CCDC174: variants seen among roughly 807,000 people sequenced by gnomAD.
The protein encoded by CCDC174 is coiled-coil domain-containing protein 174.
In CCDC174, 37 loss-of-function variants were observed where a neutral mutation model predicts 57.1. That is an observed-to-expected ratio of 0.65 (90% CI 0.50 to 0.85). The LOEUF is 0.85. CCDC174 is among the 40% of genes least tolerant of loss of function. The pLI is 0.00. For synonymous variants in CCDC174, 182 were observed against 190.2 expected, an observed-to-expected ratio of 0.96 and a Z score of 0.35; for missense variants, 540 against 574.3, an observed-to-expected ratio of 0.94 and a Z score of 0.61.
chr3:14,656,740 A>T (rs529314908), intron 3 of CCDC174, among the ~76,000 whole-genome samples: 1 of 152,358 alleles, frequency 6.6e-6, no homozygotes, highest in African/African-American at 2.4e-5. Context: ...GTTATCAGTT[A>T]TCACATTGCT....
rs781477204 is a variant in CCDC174, at chr3:14,654,443, T to C, written c.60T>C (p.Ala20=). Residue 20 remains alanine, a synonymous_variant, in exon 2 of 11, where the codon GCT becomes GCC. Transcript: ENST00000383794. ...VTASSLVDLK[A]ELFRKQEEFK... The stretch of plus-strand genomic sequence containing the variant: ...CATTCTAGTTGGTAGATCTTAAGGC[T>C]GAACTCTTCCGAAAGCAAGAAGAAT... 5.6e-6 allele frequency: 9 copies of C among 1,602,642 alleles called. No individual in the cohort carries two copies. The highest frequency in any genetic ancestry group is 7.7e-6 in the Non-Finnish European group (9 of 1,173,438).
chr3:14,664,194 T>G lies in CCDC174; in HGVS notation c.486-834T>G, dbSNP rs896579445. Among the ~76,000 whole-genome samples, 10 of 152,196 alleles carry G rather than the reference T, an allele frequency of 6.6e-5. No individual in the cohort carries two copies. In the South Asian group the frequency reaches 1.0e-3, roughly 16 times the overall value. Reference sequence around the variant, plus strand: ...CAGCATTGCTTGAGAGGAAAAAAAATTGCTAACAAAAGCAAAGCCACATAC... The same window carrying G: ...CAGCATTGCTTGAGAGGAAAAAAAAGTGCTAACAAAAGCAAAGCCACATAC... On this transcript the variant is annotated intron_variant, in intron 5 of 10. Coordinates refer to ENST00000383794, the MANE Select transcript of CCDC174 (RefSeq NM_016474.5).
At chr3:14,660,633 C>T (rs1349882803) in intron 4 of CCDC174, among the ~76,000 whole-genome samples, 1 of 152,228 alleles carries the variant, frequency 6.6e-6, no homozygotes, top group Non-Finnish European at 1.5e-5. Context: ...TCAAAGCCAG[C>T]AAGCCTACCT....
intron 2 of CCDC174, 65 bp from the exon 3 acceptor site, chr3:14,655,446 TTGTTTTTTTTTTTCCTGA>T: frequency 2.4e-6 from 2 of 818,550 alleles, no homozygotes. Context: ...ATGATCTCCT[TTGTTTTTTTTTTTCCTGA>T]TGCACAAGTA....
Position 14,661,684 on chromosome 3 carries a change from T to A in CCDC174, c.462T>A (p.Pro154=), listed in dbSNP as rs1229405755. The change falls in exon 5 of 11, where the codon CCT becomes CCA. Residue 154 remains proline (P), a synonymous_variant. Coordinates refer to ENST00000383794, the MANE Select transcript of CCDC174 (RefSeq NM_016474.5). ...ACCTTCCTGAGGGAGAGATCCCTCC[T>A]CCCCAAGACCCCAGTGAAGAATGGT... ...EENLPEGEIP[P]PQDPSEEWVD... 1.2e-6 allele frequency: 2 copies of A among 1,613,520 alleles called. No individual in the cohort carries two copies. The highest frequency in any genetic ancestry group is 4.5e-5 in the East Asian group (2 of 44,874).
intron 5 of CCDC174, among the ~76,000 whole-genome samples, chr3:14,664,505 C>T (rs905196352): frequency 2.6e-5 from 4 of 152,166 alleles, no homozygotes; most frequent in African/African-American, 7.2e-5. Flanking sequence ...GTTTGGCTTC[C>T]TCCTAATTAA....
rs765643088 is a variant in CCDC174, at chr3:14,671,347, T to C, written c.*153T>C. The C allele has an allele frequency of 1.3e-6, 1 of 769,374 alleles. No homozygotes were observed. Among genetic ancestry groups the C allele is most frequent in the Non-Finnish European group, 2.0e-6 (1 of 492,126 alleles). 47.7% of individuals were successfully genotyped at this position (769,374 alleles called of 1,614,324 possible). Reference sequence around the variant, plus strand: ...TGGATTTGTCAGCAAGGAGGAAAGTTATGGAAACTTTGGCCACTTGGCTGT... The same window carrying C: ...TGGATTTGTCAGCAAGGAGGAAAGTCATGGAAACTTTGGCCACTTGGCTGT... On this transcript the variant is annotated 3_prime_UTR_variant, in exon 11 of 11. Coordinates refer to ENST00000383794, the MANE Select transcript of CCDC174 (RefSeq NM_016474.5).
At chr3:14,655,859 T>TTA (rs773927480) in intron 3 of CCDC174, among the ~76,000 whole-genome samples, 8 of 152,216 alleles carry the variant, frequency 5.3e-5, no homozygotes, top group Non-Finnish European at 1.2e-4. Flanking sequence ...TGTCAGCCTT[T>TTA]GTTAGACACT....
At chr3:14,652,434 C>T (rs1020110341) in intron 1 of CCDC174, among the ~76,000 whole-genome samples, 4 of 152,214 alleles carry the variant, frequency 2.6e-5, no homozygotes, top group Non-Finnish European at 5.9e-5. Flanking sequence ...ACATCAGCTA[C>T]TCTAGAAAGA....
intron 3 of CCDC174, 106 bp downstream of exon 3, chr3:14,655,735 A>T: frequency 1.6e-6 from 1 of 631,768 alleles, no homozygotes; most frequent in Non-Finnish European, 2.7e-6. Flanking sequence ...TATTTTTAAC[A>T]TCCTTCTAGC....
At chr3:14,670,863 A>C in intron 10 of CCDC174, 33 bp from the exon 11 acceptor site, 1 of 1,499,292 alleles carries the variant, frequency 6.7e-7, no homozygotes, top group Non-Finnish European at 9.1e-7. Flanking sequence ...TTCGTTAATC[A>C]GTTCTAATAA....
chr3:14,664,224 C>G (rs1291883202), intron 5 of CCDC174, among the ~76,000 whole-genome samples: 1 of 152,200 alleles, frequency 6.6e-6, no homozygotes, highest in Non-Finnish European at 1.5e-5. Context: ...ACATACCTGC[C>G]AAATCTGACC....
At position 14,671,205 on chromosome 3, in the gene CCDC174, C is replaced by A; in HGVS notation, c.*11C>A. The stretch of plus-strand genomic sequence containing the variant: ...AAACAAGTGACATGATCTTTCAAAG[C>A]ACGCTGACTTGGGTTTGTACTTTGA... On this transcript the variant is annotated 3_prime_UTR_variant, in exon 11 of 11. Transcript: ENST00000383794. The A allele has an allele frequency of 6.3e-7, 1 of 1,598,396 alleles. No individual in the cohort carries two copies. Among genetic ancestry groups the A allele is most frequent in the Non-Finnish European group, 8.5e-7 (1 of 1,170,016 alleles).
At chr3:14,663,155 G>A (rs910292720) in intron 5 of CCDC174, among the ~76,000 whole-genome samples, 2 of 152,188 alleles carry the variant, frequency 1.3e-5, no homozygotes, top group African/African-American at 2.4e-5. Context: ...CTGGGCTGAA[G>A]CAATCCTCCT....
At chr3:14,660,721 GAA>G (rs1209104034) in intron 4 of CCDC174, among the ~76,000 whole-genome samples, 1 of 152,138 alleles carries the variant, frequency 6.6e-6, no homozygotes, top group Admixed American at 6.5e-5. Context: ...CTAAGGTGGG[GAA>G]AACACCACCC....
Position 14,666,916 on chromosome 3 carries a change from G to T in CCDC174, c.693G>T (p.Gly231=), listed in dbSNP as rs368146701. ...EEREALKRPM[G]PVHYEDIREN... Reference sequence around the variant, plus strand: ...GAGAGGCCCTGAAGAGGCCCATGGGGCCCGTACATTATGAAGACATTCGGG... The same window carrying T: ...GAGAGGCCCTGAAGAGGCCCATGGGTCCCGTACATTATGAAGACATTCGGG... Residue 231 remains glycine, a synonymous_variant, in exon 7 of 11, where the codon GGG becomes GGT. Coordinates refer to ENST00000383794, the MANE Select transcript of CCDC174 (RefSeq NM_016474.5). The T allele has an allele frequency of 6.3e-7, 1 of 1,590,132 alleles. No homozygotes were observed. The highest frequency in any genetic ancestry group is 8.5e-7 in the Non-Finnish European group (1 of 1,173,680).
intron 6 of CCDC174, among the ~76,000 whole-genome samples, chr3:14,666,001 G>A (rs1444469676): frequency 7.4e-6 from 1 of 135,082 alleles, no homozygotes; most frequent in East Asian, 2.2e-4. Flanking sequence ...TGACGCCACT[G>A]CACTCCAGTC....
At chr3:14,663,379 C>T (rs1186366002) in intron 5 of CCDC174, among the ~76,000 whole-genome samples, 3 of 152,190 alleles carry the variant, frequency 2.0e-5, no homozygotes, top group African/African-American at 4.8e-5. Context: ...TCCTGCTCTT[C>T]GGGTATTACC....
At chr3:14,664,886 A>G (rs2031262795) in intron 5 of CCDC174, 142 bp from the exon 6 acceptor site, 1 of 673,762 alleles carries the variant, frequency 1.5e-6, no homozygotes, top group Admixed American at 2.5e-5. Context: ...GCATATTCCT[A>G]TCAGTGGTAG....
Sources: allele counts gnomAD v4.1 joint callset (sites outside exome capture counted in the v4.1 genomes callset), GRCh38; gene constraint gnomAD v4.1.1; transcripts MANE v1.5; gene names NCBI Gene and HGNC (gene_info 2026-07-23, HGNC 2026-07-21).